KDM1A: variants seen among roughly 807,000 people sequenced by gnomAD.
KDM1A encodes the protein lysine-specific histone demethylase 1A.
KDM1A carries 49 observed loss-of-function variants against 109.4 expected under a neutral mutation model. The observed-to-expected ratio is 0.45, with a 90% CI of 0.36 to 0.57. The LOEUF (loss-of-function observed/expected upper bound fraction) is 0.57, where lower values mean the gene tolerates loss of function less well. Among genes scored for constraint, KDM1A ranks in the 20% least tolerant of loss-of-function variants. The pLI, the probability that KDM1A is intolerant of heterozygous loss-of-function variation, is 0.00. For synonymous variants in KDM1A, 380 were observed against 415.4 expected (o/e 0.91, Z 1.04); for missense variants, 668 against 1,116.6 (o/e 0.60, Z 5.73).
intron 2 of KDM1A, among the ~76,000 whole-genome samples, chr1:23,033,268 T>G (rs1007529251): frequency 2.0e-5 from 3 of 152,136 alleles, no homozygotes; most frequent in African/African-American, 7.2e-5. Flanking sequence ...GCGCGGTGGC[T>G]CCCAGCACTT....
In KDM1A at chr1:23,079,767, T is replaced by C. The variant is rs1463299230; in HGVS notation, c.2170+100T>C. ...AATATATATGCCTTAATTTCTCTCT[T>C]TATTAACTCAACAAACAATTCCTGA... On this transcript the variant is annotated intron_variant, in intron 18 of 20. Transcript: ENST00000400181. This position sits in a 1 kb window ranked among gnomAD's most constrained non-coding sequence, Gnocchi z 5.6. The C allele has an allele frequency of 1.1e-5, 7 of 665,248 alleles. No homozygotes were observed. In the East Asian group the frequency reaches 1.8e-4, roughly 18 times the overall value. 41.2% of individuals were successfully genotyped at this position (665,248 alleles called of 1,614,324 possible). A position where few individuals can be genotyped will look rare whatever the true frequency, so the allele number is the denominator to read the frequency against.
chr1:23,059,324 TTCTTAAC>T, intron 9 of KDM1A, 157 bp downstream of exon 9: 2 of 717,294 alleles, frequency 2.8e-6, no homozygotes, highest in Non-Finnish European at 5.2e-6. Flanking sequence ...TTCTGGTTGT[TTCTTAAC>T]TCTTGAGCTA....
Position 23,019,951 on chromosome 1 carries a change from A to T in KDM1A, c.351+4A>T. 6.5e-7 allele frequency: 1 copy of T among 1,543,666 alleles called. No homozygotes were observed. Among genetic ancestry groups the T allele is most frequent in the Non-Finnish European group, 8.7e-7 (1 of 1,149,098 alleles). ...CAGCCGGCGCAAGCGGGCGAAGGTAAGGCTCGACCCTTCCCTCAAACGACA... is the reference window on the plus strand; with the variant it reads ...CAGCCGGCGCAAGCGGGCGAAGGTATGGCTCGACCCTTCCCTCAAACGACA... On this transcript the variant is annotated splice_donor_region_variant and intron_variant, in intron 1 of 20. Transcript: ENST00000400181.
chr1:23,035,997 A>G (rs1642131691), intron 2 of KDM1A, among the ~76,000 whole-genome samples: 2 of 152,190 alleles, frequency 1.3e-5, no homozygotes, highest in African/African-American at 4.8e-5. Flanking sequence ...TGAGGCAGTC[A>G]TACTGAGTGC....
At chr1:23,037,230 A>C (rs1409928454) in intron 2 of KDM1A, among the ~76,000 whole-genome samples, 1 of 150,804 alleles carries the variant, frequency 6.6e-6, no homozygotes, top group East Asian at 2.0e-4. Context: ...CTTGAACCGG[A>C]GAGGCAGAGG....
chr1:23,046,544 T>A (rs2124438350), intron 3 of KDM1A, among the ~76,000 whole-genome samples: 1 of 152,304 alleles, frequency 6.6e-6, no homozygotes, highest in Middle Eastern at 3.4e-3. Flanking sequence ...ATTACCTTAC[T>A]GCAGTCAAGA....
At chr1:23,074,339 C>T (rs1478789873) in intron 15 of KDM1A, among the ~76,000 whole-genome samples, 1 of 152,200 alleles carries the variant, frequency 6.6e-6, no homozygotes, top group Non-Finnish European at 1.5e-5. Flanking sequence ...AAATTCTAGG[C>T]AGAAGTCCTT....
At chr1:23,078,896 G>T in intron 16 of KDM1A, 94 bp from the exon 17 acceptor site, 1 of 1,093,942 alleles carries the variant, frequency 9.1e-7, no homozygotes, top group East Asian at 2.4e-5. Context: ...TGAGAATTGA[G>T]AAATGGATGT....
chr1:23,041,765 T>G (rs1284748331), intron 2 of KDM1A, among the ~76,000 whole-genome samples: 1 of 150,940 alleles, frequency 6.6e-6, no homozygotes, highest in Non-Finnish European at 1.5e-5. Flanking sequence ...TTTTTTGACA[T>G]TTTGTTGTTA....
At chr1:23,041,435 CTTTTTTTTTTTTTT>C (rs66720696) in intron 2 of KDM1A, among the ~76,000 whole-genome samples, 2 of 53,006 alleles carry the variant, frequency 3.8e-5, no homozygotes, top group Non-Finnish European at 6.4e-5. Context: ...TCTTTTCTTG[CTTTTTTTTTTTTTT>C]TTTTTTTTTT....
chr1:23,042,613 C>T lies in KDM1A; in HGVS notation c.518-1814C>T, dbSNP rs1353768752. Among the ~76,000 whole-genome samples the T allele has an allele frequency of 4.0e-5, 6 of 149,444 alleles. No homozygotes were observed. The South Asian group carries it at 1.1e-3, about 26-fold the overall frequency. The stretch of plus-strand genomic sequence containing the variant: ...GACTACAGGCGCCCGCCACTACTCC[C>T]GGCTAATTTTTTGTATTTTTAGTAG... On this transcript the variant is annotated intron_variant, in intron 2 of 20. Transcript: ENST00000400181.
intron 19 of KDM1A, 84 bp from the exon 20 acceptor site, chr1:23,082,136 C>T: frequency 2.1e-6 from 3 of 1,455,136 alleles, no homozygotes; most frequent in East Asian, 2.3e-5. Context: ...CTTGCATCTC[C>T]ACCCACCACT....
At chr1:23,049,698 A>AG (rs1479858703) in intron 3 of KDM1A, among the ~76,000 whole-genome samples, 1 of 152,016 alleles carries the variant, frequency 6.6e-6, no homozygotes, top group African/African-American at 2.4e-5. Context: ...AAAAAAAAAA[A>AG]AGAGAAGAAC....
intron 12 of KDM1A, among the ~76,000 whole-genome samples, chr1:23,069,467 A>G (rs1643256042): frequency 6.6e-6 from 1 of 152,192 alleles, no homozygotes; most frequent in African/African-American, 2.4e-5. Flanking sequence ...TGGGCAACAC[A>G]TAAAATACAC....
At chr1:23,063,232 GTGTGTGTGT>G (rs1643067129) in intron 9 of KDM1A, among the ~76,000 whole-genome samples, 3 of 6,524 alleles carry the variant, frequency 4.6e-4, no homozygotes, top group Non-Finnish European at 7.8e-4. Context: ...GTGTGTGTGG[GTGTGTGTGT>G]GTGTGTGTGT....
At chr1:23,081,745 C>T in intron 19 of KDM1A, 172 bp downstream of exon 19, 1 of 736,096 alleles carries the variant, frequency 1.4e-6, no homozygotes, top group Non-Finnish European at 2.1e-6. Context: ...TCAGAAAACC[C>T]CCCAGGACAA....
intron 12 of KDM1A, among the ~76,000 whole-genome samples, chr1:23,070,693 A>C (rs1270088044): frequency 6.6e-6 from 1 of 151,878 alleles, no homozygotes; most frequent in Non-Finnish European, 1.5e-5. Context: ...CTGTAGTCCC[A>C]GCTACTCAGG....
chr1:23,019,809 C>A lies in KDM1A; in HGVS notation c.213C>A (p.Pro71=), dbSNP rs762370643. The A allele has an allele frequency of 5.7e-6, 8 of 1,404,214 alleles. No homozygotes were observed. The highest frequency in any genetic ancestry group is 6.5e-6 in the Non-Finnish European group (7 of 1,079,304). 87.0% of individuals were successfully genotyped at this position (1,404,214 alleles called of 1,614,324 possible). ...AAGAGCCTCCGCGGGCCTCGCCCCC[C>A]GGGGGCCTGGCGGAACCGCCGGGGT... ...RKKEPPRASP[P]GGLAEPPGSA... The change falls in exon 1 of 21, where the codon CCC becomes CCA. Residue 71 remains proline, a synonymous_variant. Coordinates refer to ENST00000400181, the MANE Select transcript of KDM1A (RefSeq NM_001009999.3).
rs773813572 is a variant in KDM1A at position 23,077,217 on chromosome 1, C to T, written c.1735-11C>T. The stretch of plus-strand genomic sequence containing the variant: ...AAAGGTTGGAAATATGTTCTTTTCT[C>T]TCCTCTTTAGGATGATGACTTTGAG... On this transcript the variant is annotated splice_polypyrimidine_tract_variant and intron_variant, in intron 15 of 20. Transcript: ENST00000400181. The T allele has an allele frequency of 6.2e-7, 1 of 1,610,868 alleles. No homozygotes were observed. Among genetic ancestry groups the T allele is most frequent in the Non-Finnish European group, 8.5e-7 (1 of 1,178,030 alleles).
Sources: allele counts gnomAD v4.1 joint callset (sites outside exome capture counted in the v4.1 genomes callset), GRCh38; gene constraint gnomAD v4.1.1; non-coding constraint Gnocchi (gnomAD v3.1); transcripts MANE v1.5; gene names NCBI Gene and HGNC (gene_info 2026-07-23, HGNC 2026-07-21).